Variants in AMMECR1 observed in about 807,000 individuals in gnomAD.
The protein encoded by AMMECR1 is AMMECR nuclear protein 1.
AMMECR1 carries 3 observed loss-of-function variants against 22.5 expected under a neutral mutation model. The ratio of observed to expected loss-of-function variants is 0.13; its 90% CI spans 0.06 to 0.35. The LOEUF is 0.35. AMMECR1 is among the 10% of genes least tolerant of loss of function. AMMECR1 has a pLI of 1.00. For synonymous variants in AMMECR1, 130 were observed against 116.7 expected, an observed-to-expected ratio of 1.11 and a Z score of -0.74; for missense variants, 235 against 278.7, an observed-to-expected ratio of 0.84 and a Z score of 1.12.
intron 2 of AMMECR1, chrX:110,346,891 C>T (rs768772290): frequency 2.9e-5 from 18 of 613,356 alleles, no homozygotes; most frequent in Non-Finnish European, 4.5e-5. Flanking sequence ...GTAGCGGCGA[C>T]GCTGGAGAAG....
intron 2 of AMMECR1, chrX:110,346,763 C>T (rs771536719): frequency 5.0e-5 from 40 of 793,843 alleles, no homozygotes; most frequent in Admixed American, 1.8e-4. Context: ...ATACTCCAGT[C>T]AGCAGAGGGT....
At chrX:110,361,635 A>G (rs2068264300) in intron 2 of AMMECR1, among the ~76,000 whole-genome samples, 1 of 112,059 alleles carries the variant, frequency 8.9e-6, no homozygotes, top group Non-Finnish European at 1.9e-5. Context: ...CCCACTTGGT[A>G]AAATCTTCTC....
At chrX:110,387,857 CT>C (rs57937918) in intron 2 of AMMECR1, among the ~76,000 whole-genome samples, 480 of 82,761 alleles carry the variant, frequency 5.8e-3, no homozygotes, top group African/African-American at 0.017. Context: ...CTCCCTCTCT[CT>C]TTTTTTTTTT....
chrX:110,372,829 A>G (rs1295584503), intron 2 of AMMECR1, among the ~76,000 whole-genome samples: 1 of 111,665 alleles, frequency 9.0e-6, no homozygotes, highest in African/African-American at 3.3e-5. Context: ...CACCACTCAC[A>G]GGAAAAATGG....
chrX:110,294,243 C>T (rs1023940161), intron 1 of AMMECR1, among the ~76,000 whole-genome samples: 2 of 111,861 alleles, frequency 1.8e-5, no homozygotes, highest in Non-Finnish European at 3.8e-5. Context: ...TCTGACTTCA[C>T]GGAGATGAGA....
At chrX:110,203,695 C>T (rs1242913766) in intron 3 of AMMECR1, among the ~76,000 whole-genome samples, 1 of 110,627 alleles carries the variant, frequency 9.0e-6, no homozygotes, top group Non-Finnish European at 1.9e-5. Context: ...TTTATACTTT[C>T]CATGTGTATG....
intron 2 of AMMECR1, among the ~76,000 whole-genome samples, chrX:110,354,973 T>G (rs998544537): frequency 8.9e-6 from 1 of 112,269 alleles, no homozygotes; most frequent in African/African-American, 3.2e-5. Flanking sequence ...AGCACAGACA[T>G]AGGCGACAAA....
chrX:110,344,995 G>T (rs1335623700), intron 2 of AMMECR1, among the ~76,000 whole-genome samples: 1 of 112,120 alleles, frequency 8.9e-6, no homozygotes, highest in Non-Finnish European at 1.9e-5. Flanking sequence ...CCATTACTGG[G>T]TATATATCCA....
intron 5 of AMMECR1, among the ~76,000 whole-genome samples, chrX:110,200,482 T>C (rs2148162035): frequency 8.9e-6 from 1 of 112,344 alleles, no homozygotes; most frequent in African/African-American, 3.2e-5. Flanking sequence ...GCATCCCTAT[T>C]TTTTCATGCT....
At chrX:110,364,741 T>C (rs2068285902) in intron 2 of AMMECR1, among the ~76,000 whole-genome samples, 1 of 111,696 alleles carries the variant, frequency 9.0e-6, no homozygotes, top group African/African-American at 3.3e-5. Context: ...CTGCCAGCCA[T>C]ACTAATTTCT....
chrX:110,357,695 A>T (rs1314416600), intron 2 of AMMECR1, among the ~76,000 whole-genome samples: 1 of 112,297 alleles, frequency 8.9e-6, no homozygotes, highest in Non-Finnish European at 1.9e-5. Context: ...GTCAAGGATG[A>T]TGCTTGTATA....
chrX:110,408,911 G>T (rs1229512881), intron 2 of AMMECR1, among the ~76,000 whole-genome samples: 2 of 111,879 alleles, frequency 1.8e-5, no homozygotes, highest in East Asian at 2.8e-4. Context: ...CGTGTAGGTA[G>T]GTTATAGTAC....
chrX:110,335,060 C>T (rs1289010595), intron 2 of AMMECR1, among the ~76,000 whole-genome samples: 1 of 112,116 alleles, frequency 8.9e-6, no homozygotes, highest in Non-Finnish European at 1.9e-5. Flanking sequence ...TGAATCCATT[C>T]TACCACATAA....
intron 2 of AMMECR1, among the ~76,000 whole-genome samples, chrX:110,394,638 T>C (rs959974543): frequency 8.9e-6 from 1 of 112,879 alleles, no homozygotes; most frequent in Admixed American, 9.3e-5. Flanking sequence ...CAGTGAGGAC[T>C]TACTGTACTC....
chrX:110,199,785 A>G (rs1328948419), intron 5 of AMMECR1, among the ~76,000 whole-genome samples: 3 of 111,016 alleles, frequency 2.7e-5, no homozygotes, highest in Non-Finnish European at 5.7e-5. Context: ...TTCTTAGATA[A>G]TACCAACGCT....
At chrX:110,320,824 C>T (rs771256585), upstream of AMMECR1, among the ~76,000 whole-genome samples, 1 of 112,179 alleles carries the variant, frequency 8.9e-6, no homozygotes, top group Non-Finnish European at 1.9e-5. Context: ...GCAGAAAATA[C>T]ATCATTACCT....
chrX:110,318,566 G>T (rs1251989029), upstream of AMMECR1, among the ~76,000 whole-genome samples: 1 of 110,652 alleles, frequency 9.0e-6, no homozygotes, highest in African/African-American at 3.3e-5. Flanking sequence ...ACCCCCCGCC[G>T]CAAGCAGTAT....
Position 110,345,397 on chromosome X carries a change from T to C in AMMECR1, c.-147-27548A>G, listed in dbSNP as rs1191200708. Among the ~76,000 whole-genome samples, 75 of 109,957 alleles carry C rather than the reference T, an allele frequency of 6.8e-4. 1 individual carries two copies. Among genetic ancestry groups the C allele is most frequent in the Non-Finnish European group, 1.9e-4 (10 of 52,691 alleles). ...CATTAGGAGATATACCTAATGTAAATGATGAGTTCATGGGTGCAGCACACC... is the reference window on the plus strand; with the variant it reads ...CATTAGGAGATATACCTAATGTAAACGATGAGTTCATGGGTGCAGCACACC... On this transcript the variant is annotated intron_variant, in intron 2 of 7. Coordinates refer to the AMMECR1 transcript ENST00000372057.
At chrX:110,413,820 A>G (rs1238808316) in intron 2 of AMMECR1, among the ~76,000 whole-genome samples, 6 of 111,478 alleles carry the variant, frequency 5.4e-5, no homozygotes, top group Non-Finnish European at 7.5e-5. Context: ...CCATCCTGGA[A>G]CATGATGATG....
Sources: allele counts gnomAD v4.1 joint callset (sites outside exome capture counted in the v4.1 genomes callset), GRCh38; gene constraint gnomAD v4.1.1; transcripts MANE v1.5; gene names NCBI Gene and HGNC (gene_info 2026-07-23, HGNC 2026-07-21).